Variants in LMO3 observed in about 807,000 individuals in gnomAD.
LMO3 encodes LIM domain only 3.
In LMO3, 2 loss-of-function variants were observed where a neutral mutation model predicts 15.8. The ratio of observed to expected loss-of-function variants is 0.13; its 90% CI spans 0.05 to 0.40. The LOEUF is 0.40. LMO3 is among the 10% of genes least tolerant of loss of function. The probability of loss-of-function intolerance (pLI) is 0.99; values close to 1 mark genes in which losing one functional copy is unlikely to be tolerated. For synonymous variants in LMO3, 62 were observed against 63.8 expected (o/e 0.97, Z 0.13); for missense variants, 86 against 182.2 (o/e 0.47, Z 3.04).
chr12:16,550,681 T>G lies in LMO3; in HGVS notation c.*541A>C, dbSNP rs1347410495. The G allele has an allele frequency of 6.6e-6, 1 of 152,566 alleles. No individual in the cohort carries two copies. Among genetic ancestry groups the G allele is most frequent in the African/African-American group, 2.4e-5 (1 of 41,440 alleles). 9.5% of individuals were successfully genotyped at this position (152,566 alleles called of 1,614,324 possible). On this transcript the variant is annotated 3_prime_UTR_variant, in exon 4 of 4. Transcript: ENST00000537304. The stretch of plus-strand genomic sequence containing the variant: ...TAAAATGCTCTGTGTGTGTCTTTAT[T>G]TTTTAGTATTTTTAATGTTGATAGA...
chr12:16,560,395 A>T lies in LMO3; in HGVS notation c.332+18T>A. ...AGAGGTTAACCATTTCTTAGAGACC[A>T]AAAAGAGACCTGCTTACCTCTGATT... On this transcript the variant is annotated intron_variant, in intron 3 of 3. Transcript: ENST00000537304. This position sits in a 1 kb window ranked among gnomAD's most constrained non-coding sequence, Gnocchi z 5.0. 2.5e-6 allele frequency: 4 copies of T among 1,608,422 alleles called. No homozygotes were observed. Among genetic ancestry groups the T allele is most frequent in the Non-Finnish European group, 3.4e-6 (4 of 1,177,616 alleles).
upstream of LMO3, chr12:16,607,569 GT>G (rs1214139477): frequency 5.9e-5 from 9 of 151,808 alleles, no homozygotes; most frequent in Admixed American, 5.9e-4. Flanking sequence ...GTCACCCTCT[GT>G]TTGGGCTGCT....
At chr12:16,571,869 G>A (rs1054940932) in intron 2 of LMO3, among the ~76,000 whole-genome samples, 22 of 151,922 alleles carry the variant, frequency 1.4e-4, no homozygotes, top group Non-Finnish European at 2.8e-4. Context: ...TCATTGAAAA[G>A]GGAAGGCATA....
intron 2 of LMO3, among the ~76,000 whole-genome samples, chr12:16,575,010 C>T (rs1420551504): frequency 6.6e-6 from 1 of 152,016 alleles, no homozygotes; most frequent in Non-Finnish European, 1.5e-5. Flanking sequence ...AAACTAGTAA[C>T]AAAAAGAAAC....
chr12:16,569,177 T>C (rs771847808), intron 2 of LMO3, among the ~76,000 whole-genome samples: 1 of 152,202 alleles, frequency 6.6e-6, no homozygotes, highest in African/African-American at 2.4e-5. Flanking sequence ...AGCTCTGCTA[T>C]AGAGAGCAGA....
At chr12:16,580,117 A>C (rs970434149) in intron 2 of LMO3, among the ~76,000 whole-genome samples, 1 of 152,194 alleles carries the variant, frequency 6.6e-6, no homozygotes, top group Non-Finnish European at 1.5e-5. Flanking sequence ...TCTAAAACAA[A>C]ATATACACCT....
intron 3 of LMO3, among the ~76,000 whole-genome samples, chr12:16,554,230 G>T (rs748682308): frequency 6.6e-6 from 1 of 152,154 alleles, no homozygotes; most frequent in Non-Finnish European, 1.5e-5. Flanking sequence ...TTTTAAGCAG[G>T]TTATCAAAAG....
intron 2 of LMO3, among the ~76,000 whole-genome samples, chr12:16,588,050 C>T (rs552239169): frequency 3.3e-5 from 5 of 152,146 alleles, no homozygotes; most frequent in African/African-American, 1.2e-4. Context: ...CCCTTTTATT[C>T]ACAAGTATCT....
chr12:16,574,116 C>T (rs943586435), intron 2 of LMO3, among the ~76,000 whole-genome samples: 2 of 152,038 alleles, frequency 1.3e-5, no homozygotes, highest in African/African-American at 4.8e-5. Flanking sequence ...ACCTACTCTG[C>T]CGATTTGCTC....
Position 16,555,725 on chromosome 12 carries a change from C to G in LMO3, c.333-4398G>C, listed in dbSNP as rs1306070358. On this transcript the variant is annotated intron_variant, in intron 3 of 3. Coordinates refer to ENST00000537304, the MANE Select transcript of LMO3 (RefSeq NM_018640.5). This position sits in a 1 kb window ranked among gnomAD's most constrained non-coding sequence, Gnocchi z 5.5. ...TCTCTAATCTCTGAACATACTGAGCCGCTTTTCATTTCCTAAACACGTCAA... is the reference window on the plus strand; with the variant it reads ...TCTCTAATCTCTGAACATACTGAGCGGCTTTTCATTTCCTAAACACGTCAA... 6.6e-6 allele frequency among the ~76,000 whole-genome samples: 1 copy of G among 152,140 alleles called. No individual in the cohort carries two copies. Among genetic ancestry groups the G allele is most frequent in the Non-Finnish European group, 1.5e-5 (1 of 68,026 alleles).
chr12:16,572,681 A>ATATATATAATTTAAATATAT (rs1326192838), intron 2 of LMO3, among the ~76,000 whole-genome samples: 7 of 147,872 alleles, frequency 4.7e-5, no homozygotes, highest in Admixed American at 2.7e-4. Flanking sequence ...TATATAGATT[A>ATATATATAATTTAAATATAT]TATATATAAT....
chr12:16,594,197 G>T, intron 2 of LMO3: 1 of 1,532,608 alleles, frequency 6.5e-7, no homozygotes, highest in Non-Finnish European at 8.7e-7. Context: ...CCATTCTAAG[G>T]TTACACAGAT....
In LMO3 at chr12:16,576,353, C is replaced by T. The variant is rs1183699581; in HGVS notation, c.207-15815G>A. Among the ~76,000 whole-genome samples the T allele has an allele frequency of 6.6e-6, 1 of 152,184 alleles. No individual in the cohort carries two copies. The highest frequency in any genetic ancestry group is 1.5e-5 in the Non-Finnish European group (1 of 68,024). ...CCCAATGTGCTGTCTACTCCCTGGA[C>T]TCAGCATCTACTTTCACACCTGATG... is the stretch of plus-strand genomic sequence containing the variant. On this transcript the variant is annotated intron_variant, in intron 2 of 3. Transcript: ENST00000537304. The surrounding 1 kb of genome is among the most constrained non-coding windows in gnomAD (Gnocchi z 4.1).
chr12:16,571,230 G>C (rs1198324632), intron 2 of LMO3, among the ~76,000 whole-genome samples: 2 of 152,066 alleles, frequency 1.3e-5, no homozygotes, highest in African/African-American at 2.4e-5. Context: ...TGTTATCACA[G>C]ATATTCATCC....
At chr12:16,554,033 G>A (rs1942092407) in intron 3 of LMO3, among the ~76,000 whole-genome samples, 1 of 152,032 alleles carries the variant, frequency 6.6e-6, no homozygotes, top group Non-Finnish European at 1.5e-5. Context: ...AAAAAATTAT[G>A]GTAAGGAATA....
Position 16,587,213 on chromosome 12 carries a change from A to G in LMO3, c.206+13442T>C, listed in dbSNP as rs1011133334. 6.6e-6 allele frequency among the ~76,000 whole-genome samples: 1 copy of G among 152,206 alleles called. No individual in the cohort carries two copies. Among genetic ancestry groups the G allele is most frequent in the Non-Finnish European group, 1.5e-5 (1 of 68,018 alleles). On this transcript the variant is annotated intron_variant, in intron 2 of 3. Transcript: ENST00000537304. The surrounding 1 kb of genome is among the most constrained non-coding windows in gnomAD (Gnocchi z 4.3). ...AAGCTACACACACGAAAATGAAATG[A>G]ACAAAGTGATTCAGATTAAACAGCT...
Position 16,585,142 on chromosome 12 carries a change from G to A in LMO3, c.206+15513C>T, listed in dbSNP as rs1240167787. Reference sequence around the variant, plus strand: ...AAGTCATGGCTTCCCCCTTTGGGTGGCGCATGCAAGCCCCAGTTCACAACG... The same window carrying A: ...AAGTCATGGCTTCCCCCTTTGGGTGACGCATGCAAGCCCCAGTTCACAACG... On this transcript the variant is annotated intron_variant, in intron 2 of 3. Coordinates refer to ENST00000537304, the MANE Select transcript of LMO3 (RefSeq NM_018640.5). The surrounding 1 kb of genome is among the most constrained non-coding windows in gnomAD (Gnocchi z 4.7). 6.6e-6 allele frequency among the ~76,000 whole-genome samples: 1 copy of A among 152,150 alleles called. No individual in the cohort carries two copies. Among genetic ancestry groups the A allele is most frequent in the African/African-American group, 2.4e-5 (1 of 41,420 alleles).
rs77549849 is a variant in LMO3 at position 16,586,632 on chromosome 12, G to A, written c.206+14023C>T. On this transcript the variant is annotated intron_variant, in intron 2 of 3. Transcript: ENST00000537304. The surrounding 1 kb of genome is among the most constrained non-coding windows in gnomAD (Gnocchi z 4.3). ...TTGGCAGGACCACTTGTCTCCCAAA[G>A]CCTGTCCTAGGATGTGGCAATAAGG... Among the ~76,000 whole-genome samples the A allele has an allele frequency of 3.3e-5, 5 of 152,186 alleles. No individual in the cohort carries two copies. Among genetic ancestry groups the A allele is most frequent in the Non-Finnish European group, 7.3e-5 (5 of 68,038 alleles).
chr12:16,553,130 A>G (rs1240941698), intron 3 of LMO3, among the ~76,000 whole-genome samples: 2 of 152,172 alleles, frequency 1.3e-5, no homozygotes, highest in Admixed American at 6.5e-5. Flanking sequence ...ATGTATGTAC[A>G]TGATCACATT....
Sources: allele counts gnomAD v4.1 joint callset (sites outside exome capture counted in the v4.1 genomes callset), GRCh38; gene constraint gnomAD v4.1.1; non-coding constraint Gnocchi (gnomAD v3.1); transcripts MANE v1.5; gene names NCBI Gene and HGNC (gene_info 2026-07-23, HGNC 2026-07-21).